Variants in HERC3 observed in about 807,000 individuals in gnomAD.
HERC3 encodes HECT and RLD domain containing E3 ubiquitin protein ligase 3, also known as probable E3 ubiquitin-protein ligase HERC3.
HERC3 carries 58 observed loss-of-function variants against 129.9 expected under a neutral mutation model. That is an observed-to-expected ratio of 0.45 (90% CI 0.36 to 0.56). The LOEUF is 0.56. HERC3 is among the 20% of genes least tolerant of loss of function. HERC3 has a pLI of 0.00. For synonymous variants in HERC3, 430 were observed against 451.0 expected (o/e 0.95, Z 0.59); for missense variants, 835 against 1,244.2 (o/e 0.67, Z 4.95).
At chr4:88,670,050 G>A (rs1338672041) in intron 15 of HERC3, 27 bp downstream of exon 15, 1 of 1,609,450 alleles carries the variant, frequency 6.2e-7, no homozygotes, top group Non-Finnish European at 8.5e-7. Flanking sequence ...CTAGTGGGGA[G>A]GGGGTGATTA....
At chr4:88,600,369 T>C (rs1349783403) in intron 2 of HERC3, among the ~76,000 whole-genome samples, 2 of 152,268 alleles carry the variant, frequency 1.3e-5, no homozygotes, top group Non-Finnish European at 2.9e-5. Context: ...TCTTGTAGGC[T>C]GTGGTCAAGA....
At chr4:88,611,916 A>C (rs974244702) in intron 3 of HERC3, among the ~76,000 whole-genome samples, 5 of 152,230 alleles carry the variant, frequency 3.3e-5, no homozygotes, top group African/African-American at 1.2e-4. Context: ...CCTGGGAGCC[A>C]CATAATCTGA....
intron 23 of HERC3, chr4:88,697,244 C>A: frequency 6.5e-7 from 1 of 1,539,622 alleles, no homozygotes; most frequent in South Asian, 1.3e-5. Context: ...GCGTGGGCAT[C>A]GTCATGTTTG....
At position 88,693,205 on chromosome 4, in the gene HERC3, C is replaced by T. The variant is rs1290352846; in HGVS notation, c.2657+5906C>T. The T allele has an allele frequency of 9.2e-6, 9 of 980,560 alleles. No homozygotes were observed. The African/African-American group carries it at 1.2e-4, about 13-fold the overall frequency. 60.7% of individuals were successfully genotyped at this position (980,560 alleles called of 1,614,324 possible). On this transcript the variant is annotated intron_variant, in intron 23 of 25. Transcript: ENST00000402738. ...TATTCCTCTTTTTTCTCTTCCCCCC[C>T]ACCACCATTTTTAATAAGACTATAT...
At chr4:88,602,759 T>C (rs901619669) in intron 2 of HERC3, among the ~76,000 whole-genome samples, 2 of 152,156 alleles carry the variant, frequency 1.3e-5, no homozygotes, top group Non-Finnish European at 2.9e-5. Flanking sequence ...GGATCACAGG[T>C]GTGAGCCACT....
At chr4:88,580,155 T>G in the HERC3 span, among the ~76,000 whole-genome samples, 2 of 152,198 alleles carry the variant, frequency 1.3e-5, no homozygotes, top group Non-Finnish European at 2.9e-5. Flanking sequence ...CGACAGTGTT[T>G]GATGATTGGA....
intron 23 of HERC3, chr4:88,697,636 G>A (rs200110033): frequency 1.4e-5 from 23 of 1,613,590 alleles, no homozygotes; most frequent in South Asian, 6.6e-5. Context: ...GTCACCAGCC[G>A]CGCTGTCACA....
intron 3 of HERC3, among the ~76,000 whole-genome samples, chr4:88,626,995 T>A (rs1726173165): frequency 6.6e-6 from 1 of 152,130 alleles, no homozygotes; most frequent in Admixed American, 6.5e-5. Context: ...AATCACTGAT[T>A]TATAACTTTT....
the HERC3 span, among the ~76,000 whole-genome samples, chr4:88,575,283 A>T: frequency 3.3e-5 from 5 of 152,138 alleles, no homozygotes; most frequent in Non-Finnish European, 7.3e-5. Context: ...TAGAGCTGGG[A>T]TATACAAATA....
Position 88,662,435 on chromosome 4 carries a change from A to G in HERC3, c.1151A>G (p.Tyr384Cys), listed in dbSNP as rs1030036471. The G allele has an allele frequency of 6.8e-6, 11 of 1,606,848 alleles. No individual in the cohort carries two copies. In the Admixed American group the frequency reaches 1.0e-4, roughly 15 times the overall value. The change falls in exon 11 of 26, where the codon TAT becomes TGT. Residue 384 changes from tyrosine to cysteine, a missense_variant. Tyr to Cys is a radical substitution (Grantham distance 194). Transcript: ENST00000402738. Reference sequence around the variant, plus strand: ...CTGTTACATTTAATTCTCCAGAATTATTCTCCTGCTGTTGACTTCAGGACT... The same window carrying G: ...CTGTTACATTTAATTCTCCAGAATTGTTCTCCTGCTGTTGACTTCAGGACT... Reference protein sequence around the residue: ...TFVLCSKYENYSPAVDFRTMN... With the variant: ...TFVLCSKYENCSPAVDFRTMN...
intron 19 of HERC3, 23 bp from the exon 20 acceptor site, chr4:88,680,070 T>G: frequency 1.3e-6 from 2 of 1,589,820 alleles, no homozygotes; most frequent in Non-Finnish European, 1.7e-6. Context: ...CCGGAAGCAT[T>G]AATTCTATTC....
At chr4:88,609,612 G>A (rs978289524) in intron 3 of HERC3, among the ~76,000 whole-genome samples, 2 of 152,128 alleles carry the variant, frequency 1.3e-5, no homozygotes, top group African/African-American at 4.8e-5. Flanking sequence ...TGTAAAAGGA[G>A]TAGACTTCCT....
At chr4:88,591,140 G>A (rs1289978109), upstream of HERC3, among the ~76,000 whole-genome samples, 1 of 152,088 alleles carries the variant, frequency 6.6e-6, no homozygotes, top group Non-Finnish European at 1.5e-5. Flanking sequence ...TGATCCACCG[G>A]CTTCGGCCTC....
intron 3 of HERC3, among the ~76,000 whole-genome samples, chr4:88,644,002 A>G (rs531090043): frequency 1.3e-5 from 2 of 152,232 alleles, no homozygotes; most frequent in Non-Finnish European, 2.9e-5. Context: ...TCCAAAGAGG[A>G]TGGATGGCAA....
At chr4:88,580,075 TG>T in the HERC3 span, among the ~76,000 whole-genome samples, 1 of 152,232 alleles carries the variant, frequency 6.6e-6, no homozygotes, top group Non-Finnish European at 1.5e-5. Context: ...TGGAGTCATT[TG>T]TTACAGCAGC....
chr4:88,667,807 T>C, intron 13 of HERC3, 85 bp from the exon 14 acceptor site: 1 of 981,374 alleles, frequency 1.0e-6, no homozygotes, highest in East Asian at 2.4e-5. Context: ...GAGTTGAGAG[T>C]CTATCAAATA....
the HERC3 span, among the ~76,000 whole-genome samples, chr4:88,549,736 G>A: frequency 6.7e-6 from 1 of 149,688 alleles, no homozygotes; most frequent in East Asian, 2.0e-4. Flanking sequence ...ATGGGGTCTC[G>A]CTCTGTCACC....
At chr4:88,585,186 TCATGA>T in the HERC3 span, among the ~76,000 whole-genome samples, 6 of 152,188 alleles carry the variant, frequency 3.9e-5, no homozygotes, top group Non-Finnish European at 8.8e-5. Flanking sequence ...GGCTCAACTC[TCATGA>T]TGTAATCACC....
intron 3 of HERC3, among the ~76,000 whole-genome samples, chr4:88,626,401 G>A (rs774060120): frequency 2.0e-5 from 3 of 151,934 alleles, no homozygotes; most frequent in Non-Finnish European, 2.9e-5. Context: ...TCCTTAAATG[G>A]CTGGTAGAGT....
Sources: gnomAD v4.1 joint callset for allele counts (sites outside exome capture counted in the v4.1 genomes callset) on GRCh38, gnomAD v4.1.1 for gene constraint, MANE v1.5 for transcripts, NCBI Gene and HGNC (gene_info 2026-07-23, HGNC 2026-07-21) for gene names.